HORMAD2: variants seen among roughly 807,000 people sequenced by gnomAD.
HORMAD2 encodes HORMA domain-containing protein 2.
In HORMAD2, 45 loss-of-function variants were observed where a neutral mutation model predicts 38.8. The ratio of observed to expected loss-of-function variants is 1.16; its 90% CI spans 0.91 to 1.49. HORMAD2 has a LOEUF of 1.49. Among genes scored for constraint, HORMAD2 ranks in the 40% most tolerant of loss-of-function variants. The pLI is 0.00. For synonymous variants in HORMAD2, 126 were observed against 122.8 expected, an observed-to-expected ratio of 1.03 and a Z score of -0.17; for missense variants, 338 against 367.0, an observed-to-expected ratio of 0.92 and a Z score of 0.65.
chr22:30,137,598 G>T (rs1923757918), intron 10 of HORMAD2: 1 of 154,960 alleles, frequency 6.5e-6, no homozygotes, highest in Admixed American at 6.5e-5. Context: ...GGGAGAGAAA[G>T]AAAGAAATAA....
At chr22:30,107,552 C>A (rs549647818) in intron 5 of HORMAD2, among the ~76,000 whole-genome samples, 6 of 151,980 alleles carry the variant, frequency 3.9e-5, no homozygotes, top group Non-Finnish European at 8.8e-5. Flanking sequence ...AGTTTGAGAC[C>A]GGCCTGGGCA....
chr22:30,122,153 G>A lies in HORMAD2; in HGVS notation c.758G>A (p.Ser253Asn), dbSNP rs1922498417. 2.5e-6 allele frequency: 4 copies of A among 1,613,512 alleles called. No homozygotes were observed. Among genetic ancestry groups the A allele is most frequent in the Non-Finnish European group, 3.4e-6 (4 of 1,179,626 alleles). ...GAGAACAATCTGTTTCGGGAGAACAGCACTACTGAGATCGCCCATCAGGGT... is the reference window on the plus strand; with the variant it reads ...GAGAACAATCTGTTTCGGGAGAACAACACTACTGAGATCGCCCATCAGGGT... ...DLENNLFREN[S>N]TTEIAHQGLD... Residue 253 changes from serine to asparagine, a missense_variant, in exon 10 of 11, where the codon AGC (serine) becomes AAC (asparagine). Coordinates refer to ENST00000336726, the MANE Select transcript of HORMAD2 (RefSeq NM_152510.4).
At chr22:30,153,775 T>G (rs73883378) in intron 10 of HORMAD2, among the ~76,000 whole-genome samples, 10 of 152,174 alleles carry the variant, frequency 6.6e-5, no homozygotes, top group African/African-American at 2.4e-4. Context: ...TATCATTTAC[T>G]TAGTTGCTTC....
Position 30,092,888 on chromosome 22 carries a change from T to C in HORMAD2, c.-37-1028T>C, listed in dbSNP as rs2068716357. Among the ~76,000 whole-genome samples the C allele has an allele frequency of 2.0e-5, 3 of 152,242 alleles. 1 individual carries two copies. The South Asian group carries it at 6.2e-4, about 31-fold the overall frequency. The stretch of plus-strand genomic sequence containing the variant: ...CAGTGCCATGCTGTTTTGGTTACTA[T>C]AGCTTTGTAGTATATTTTAAAGCCA... On this transcript the variant is annotated intron_variant, in intron 1 of 10. Transcript: ENST00000336726.
At chr22:30,166,118 C>T (rs1569118831) in intron 10 of HORMAD2, among the ~76,000 whole-genome samples, 1 of 151,794 alleles carries the variant, frequency 6.6e-6, no homozygotes, top group Non-Finnish European at 1.5e-5. Flanking sequence ...CAAGTTCCAA[C>T]AGACATATTA....
intron 5 of HORMAD2, among the ~76,000 whole-genome samples, chr22:30,104,768 T>C (rs1323321494): frequency 6.6e-6 from 1 of 152,240 alleles, no homozygotes; most frequent in Admixed American, 6.5e-5. Context: ...ATAGTGGTGA[T>C]TCAATTTGCA....
intron 10 of HORMAD2, among the ~76,000 whole-genome samples, chr22:30,142,053 T>C (rs912057678): frequency 6.6e-6 from 1 of 152,022 alleles, no homozygotes; most frequent in South Asian, 2.1e-4. Flanking sequence ...AGTTTGAGAC[T>C]AGCCTGAGCA....
chr22:30,082,844 C>CA (rs1040922505), intron 1 of HORMAD2, among the ~76,000 whole-genome samples: 5 of 147,790 alleles, frequency 3.4e-5, no homozygotes, highest in South Asian at 2.2e-4. Context: ...TACACAACAA[C>CA]AAAAAAAATA....
intron 10 of HORMAD2, among the ~76,000 whole-genome samples, chr22:30,123,811 T>C (rs1601543878): frequency 1.3e-5 from 2 of 151,542 alleles, no homozygotes; most frequent in African/African-American, 4.9e-5. Context: ...GCTGAAACCA[T>C]AGGTGTGCGC....
intron 7 of HORMAD2, among the ~76,000 whole-genome samples, chr22:30,115,196 G>GGTGT (rs1921948913): frequency 6.6e-6 from 1 of 151,994 alleles, no homozygotes. Flanking sequence ...GTGTGATCTT[G>GGTGT]GCTCATGGCA....
At chr22:30,082,120 G>A (rs1241241194) in intron 1 of HORMAD2, among the ~76,000 whole-genome samples, 1 of 152,092 alleles carries the variant, frequency 6.6e-6, no homozygotes, top group African/African-American at 2.4e-5. Context: ...CCAGCTTTAG[G>A]AATCTATTGA....
In HORMAD2 at chr22:30,176,156, A is replaced by G. The variant is rs190493501; in HGVS notation, c.913A>G (p.Asn305Asp). ...TGAACCAGTGAAGGTCTTCATCCCTAACAGAAAATGAAAGCTAAATATTCC... is the reference window on the plus strand; with the variant it reads ...TGAACCAGTGAAGGTCTTCATCCCTGACAGAAAATGAAAGCTAAATATTCC... Reference protein sequence around the residue: ...VSEPVKVFIPNRK With the variant: ...VSEPVKVFIPDRK The change falls in exon 11 of 11, where the codon AAC becomes GAC. Residue 305 changes from asparagine (N) to aspartate (D), a missense_variant. Coordinates refer to ENST00000336726, the MANE Select transcript of HORMAD2 (RefSeq NM_152510.4). 4.2e-5 allele frequency: 67 copies of G among 1,601,670 alleles called. No individual in the cohort carries two copies. The South Asian group carries it at 4.4e-4, about 11-fold the overall frequency.
At chr22:30,132,510 A>G (rs1923352193) in intron 10 of HORMAD2, among the ~76,000 whole-genome samples, 1 of 151,312 alleles carries the variant, frequency 6.6e-6, no homozygotes, top group East Asian at 1.9e-4. Flanking sequence ...ACTGCACTCC[A>G]GCCTGGGAGA....
At chr22:30,203,911 C>A in the HORMAD2 span, among the ~76,000 whole-genome samples, 1 of 152,218 alleles carries the variant, frequency 6.6e-6, no homozygotes, top group Non-Finnish European at 1.5e-5. Context: ...CCCTCATACA[C>A]AAGCACACAC....
In HORMAD2 at chr22:30,176,390, A is replaced by C; in HGVS notation, c.*223A>C. ...GTCAATAGGGCTGCCTCTGGATAGC[A>C]TTACTTCAAAGCTGGGTTAGAGATG... On this transcript the variant is annotated 3_prime_UTR_variant, in exon 11 of 11. Coordinates refer to ENST00000336726, the MANE Select transcript of HORMAD2 (RefSeq NM_152510.4). 2.2e-6 allele frequency: 1 copy of C among 447,562 alleles called. No homozygotes were observed. The highest frequency in any genetic ancestry group is 3.6e-5 in the South Asian group (1 of 27,440). 27.7% of individuals were successfully genotyped at this position (447,562 alleles called of 1,614,324 possible). A position where few individuals can be genotyped will look rare whatever the true frequency, so the allele number is the denominator to read the frequency against.
At chr22:30,184,212 A>G in the HORMAD2 span, among the ~76,000 whole-genome samples, 1 of 152,352 alleles carries the variant, frequency 6.6e-6, no homozygotes, top group East Asian at 1.9e-4. Flanking sequence ...TTCCATAAAG[A>G]GGAGTCTATT....
chr22:30,172,602 T>C (rs528286968), intron 10 of HORMAD2, among the ~76,000 whole-genome samples: 5 of 152,206 alleles, frequency 3.3e-5, no homozygotes, highest in East Asian at 3.9e-4. Context: ...GATGAAAATA[T>C]TGGGGCTGGG....
intron 10 of HORMAD2, among the ~76,000 whole-genome samples, 147 bp from the exon 11 acceptor site, chr22:30,175,903 AGCAGGGCCTCTGT>A (rs1263492537): frequency 2.0e-5 from 3 of 152,222 alleles, no homozygotes; most frequent in African/African-American, 7.2e-5. Context: ...TGATACTGGC[AGCAGGGCCTCTGT>A]GCAGGGCCAA....
intron 10 of HORMAD2, among the ~76,000 whole-genome samples, chr22:30,141,250 G>A (rs1439053016): frequency 1.3e-5 from 2 of 152,082 alleles, no homozygotes; most frequent in South Asian, 2.1e-4. Flanking sequence ...CACCCACCTC[G>A]GCCTCCCAAA....
Sources: allele counts gnomAD v4.1 joint callset (sites outside exome capture counted in the v4.1 genomes callset), GRCh38; gene constraint gnomAD v4.1.1; transcripts MANE v1.5; gene names NCBI Gene and HGNC (gene_info 2026-07-23, HGNC 2026-07-21).